ZNF202: variants seen among roughly 807,000 people sequenced by gnomAD.
ZNF202 encodes the protein zinc finger protein with KRAB and SCAN domains 10.
In ZNF202, 22 loss-of-function variants were observed where a neutral mutation model predicts 54.5. The ratio of observed to expected loss-of-function variants is 0.40; its 90% CI spans 0.29 to 0.58. ZNF202 has a LOEUF of 0.58. Ranked by LOEUF, ZNF202 falls within the 20% of genes least tolerant of loss-of-function variation. The probability of loss-of-function intolerance (pLI) is 0.39; values close to 1 mark genes in which losing one functional copy is unlikely to be tolerated. For synonymous variants in ZNF202, 294 were observed against 301.4 expected, an observed-to-expected ratio of 0.98 and a Z score of 0.26; for missense variants, 644 against 805.5, an observed-to-expected ratio of 0.80 and a Z score of 2.43.
intron 3 of ZNF202, among the ~76,000 whole-genome samples, chr11:123,739,194 T>C (rs1861757756): frequency 6.6e-6 from 1 of 152,194 alleles, no homozygotes; most frequent in Non-Finnish European, 1.5e-5. Context: ...TAATAAACCA[T>C]TCACAGGGAT....
chr11:123,732,177 A>G (rs1144502), intron 3 of ZNF202, among the ~76,000 whole-genome samples: 107,256 of 152,068 alleles, frequency 0.71, 38,144 homozygotes, highest in Middle Eastern at 0.82. Flanking sequence ...GATGACTGCA[A>G]CTGCCTCCAA....
At chr11:123,739,698 G>C (rs1466957314) in intron 3 of ZNF202, among the ~76,000 whole-genome samples, 1 of 152,186 alleles carries the variant, frequency 6.6e-6, no homozygotes, top group Non-Finnish European at 1.5e-5. Context: ...CAGATTACTA[G>C]TTTCCAACAC....
intron 3 of ZNF202, among the ~76,000 whole-genome samples, chr11:123,731,476 GTTTA>G (rs1372996305): frequency 6.6e-6 from 1 of 152,198 alleles, no homozygotes; most frequent in Non-Finnish European, 1.5e-5. Flanking sequence ...GTAACTGTAT[GTTTA>G]GAGATGCTAC....
chr11:123,727,725 C>A, intron 7 of ZNF202, 130 bp from the exon 8 acceptor site: 1 of 1,282,534 alleles, frequency 7.8e-7, no homozygotes, highest in South Asian at 1.5e-5. Context: ...TCTTTCATCT[C>A]TTTAGTTTGT....
At chr11:123,728,418 C>G (rs376792980) in intron 6 of ZNF202, among the ~76,000 whole-genome samples, 156 bp from the exon 7 acceptor site, 160 of 151,588 alleles carry the variant, frequency 1.1e-3, no homozygotes, top group African/African-American at 3.4e-3. Flanking sequence ...GCCATGTGTC[C>G]CCTGTGGCAC....
chr11:123,732,468 G>A (rs2137344508), intron 3 of ZNF202, among the ~76,000 whole-genome samples: 1 of 152,314 alleles, frequency 6.6e-6, no homozygotes, highest in African/African-American at 2.4e-5. Context: ...TTTTGAATAT[G>A]CTGTTTCTTC....
chr11:123,730,996 A>G lies in ZNF202; in HGVS notation c.-97-11T>C. The G allele has an allele frequency of 2.3e-6, 3 of 1,319,632 alleles. No individual in the cohort carries two copies. Among genetic ancestry groups the G allele is most frequent in the Non-Finnish European group, 3.1e-6 (3 of 967,440 alleles). 81.7% of individuals were successfully genotyped at this position (1,319,632 alleles called of 1,614,324 possible). ...TTTCTTCCAAGGGCCCTGGATAGAG[A>G]AGTAAAGACAAACAAGAGTATAAGC... On this transcript the variant is annotated splice_polypyrimidine_tract_variant and intron_variant, in intron 3 of 8. Transcript: ENST00000530393. This position sits in a 1 kb window ranked among gnomAD's most constrained non-coding sequence, Gnocchi z 6.0.
Position 123,727,610 on chromosome 11 carries a change from G to A in ZNF202, c.833-15C>T, listed in dbSNP as rs1269480452. 5 of 1,613,692 alleles carry A rather than the reference G, an allele frequency of 3.1e-6. No individual in the cohort carries two copies. Among genetic ancestry groups the A allele is most frequent in the African/African-American group, 2.7e-5 (2 of 74,884 alleles). The stretch of plus-strand genomic sequence containing the variant: ...GATTGGAAATGCTGCTCAAGAGAGG[G>A]AAAATAGGATATCACGATTGGCTCA... On this transcript the variant is annotated splice_polypyrimidine_tract_variant and intron_variant, in intron 7 of 8. Coordinates refer to ENST00000530393, the MANE Select transcript of ZNF202 (RefSeq NM_003455.4).
Position 123,725,886 on chromosome 11 carries a change from G to C in ZNF202, c.*111C>G. The C allele has an allele frequency of 7.7e-7, 1 of 1,301,396 alleles. No homozygotes were observed. The highest frequency in any genetic ancestry group is 1.0e-6 in the Non-Finnish European group (1 of 965,124). 80.6% of individuals were successfully genotyped at this position (1,301,396 alleles called of 1,614,324 possible). A position where few individuals can be genotyped will look rare whatever the true frequency, so the allele number is the denominator to read the frequency against. On this transcript the variant is annotated 3_prime_UTR_variant, in exon 9 of 9. Transcript: ENST00000530393. Reference sequence around the variant, plus strand: ...AAGAGGTAATGTCAGATCTGAGCAGGTCAGGGAGACTCCCTCGAAAAGGTC... The same window carrying C: ...AAGAGGTAATGTCAGATCTGAGCAGCTCAGGGAGACTCCCTCGAAAAGGTC...
chr11:123,729,482 A>G (rs2137327294), intron 5 of ZNF202, 133 bp downstream of exon 5: 3 of 1,160,650 alleles, frequency 2.6e-6, no homozygotes, highest in East Asian at 5.2e-5. Flanking sequence ...TCCTCTTGAC[A>G]TCCTGGATTC....
chr11:123,729,110 G>A lies in ZNF202; in HGVS notation c.702+16C>T. 1.9e-6 allele frequency: 3 copies of A among 1,612,986 alleles called. No individual in the cohort carries two copies. In the South Asian group the frequency reaches 3.3e-5, roughly 18 times the overall value. ...TCAAACAAATTCTCTGTGGTACAGAGGTAACTAGGGCACACCTGTGACAGA... is the reference window on the plus strand; with the variant it reads ...TCAAACAAATTCTCTGTGGTACAGAAGTAACTAGGGCACACCTGTGACAGA... On this transcript the variant is annotated intron_variant, in intron 6 of 8. Transcript: ENST00000530393.
chr11:123,727,630 G>A (rs1287868653), intron 7 of ZNF202, 35 bp from the exon 8 acceptor site: 49 of 1,612,732 alleles, frequency 3.0e-5, no homozygotes, highest in Non-Finnish European at 4.1e-5. Context: ...TATCACGATT[G>A]GCTCAACAAT....
chr11:123,739,073 G>A (rs1473012771), intron 3 of ZNF202, among the ~76,000 whole-genome samples: 4 of 152,204 alleles, frequency 2.6e-5, no homozygotes, highest in African/African-American at 7.2e-5. Context: ...AGTAGAAAAG[G>A]TATTCAATAA....
intron 3 of ZNF202, among the ~76,000 whole-genome samples, chr11:123,732,577 A>C (rs1458237739): frequency 2.6e-5 from 4 of 151,774 alleles, no homozygotes; most frequent in Non-Finnish European, 5.9e-5. Flanking sequence ...CATTTCCCCT[A>C]CTCTCAGACA....
rs755308348 is a variant in ZNF202 at position 123,729,721 on chromosome 11, C to G, written c.507G>C (p.Ser169=). 5.6e-6 allele frequency: 9 copies of G among 1,613,820 alleles called. No individual in the cohort carries two copies. Among genetic ancestry groups the G allele is most frequent in the South Asian group, 2.2e-5 (2 of 91,022 alleles). The change falls in exon 5 of 9, where the codon TCG becomes TCC. Residue 169 remains serine, a synonymous_variant. Coordinates refer to ENST00000530393, the MANE Select transcript of ZNF202 (RefSeq NM_003455.4). ...PNELQDPVQS[S]TPEQSPEETT... Reference sequence around the variant, plus strand: ...TTTCCTCAGGAGACTGCTCGGGGGTCGAGCTTTGCACAGGATCCTGCAGCT... The same window carrying G: ...TTTCCTCAGGAGACTGCTCGGGGGTGGAGCTTTGCACAGGATCCTGCAGCT...
chr11:123,729,352 G>A (rs1861299211), intron 5 of ZNF202, 138 bp from the exon 6 acceptor site: 3 of 905,692 alleles, frequency 3.3e-6, no homozygotes, highest in Non-Finnish European at 5.1e-6. Flanking sequence ...CTGGCCTAAG[G>A]GTAGCTCCCA....
rs953699927 is a variant in ZNF202 at position 123,741,639 on chromosome 11, G to C, written c.-384C>G. 1.3e-5 allele frequency: 2 copies of C among 152,694 alleles called. No homozygotes were observed. Among genetic ancestry groups the C allele is most frequent in the African/African-American group, 2.4e-5 (1 of 41,460 alleles). 9.5% of individuals were successfully genotyped at this position (152,694 alleles called of 1,614,324 possible). On this transcript the variant is annotated 5_prime_UTR_variant, in exon 1 of 9. Transcript: ENST00000530393. Reference sequence around the variant, plus strand: ...CAGCGCCGCCGGATCCGAGCCGCGCGGGGCCTAGCGGGTCGGAACACGTGG... The same window carrying C: ...CAGCGCCGCCGGATCCGAGCCGCGCCGGGCCTAGCGGGTCGGAACACGTGG...
At position 123,726,750 on chromosome 11, in the gene ZNF202, G is replaced by T; in HGVS notation, c.1194C>A (p.Asp398Glu). 3 of 1,614,228 alleles carry T rather than the reference G, an allele frequency of 1.9e-6. No individual in the cohort carries two copies. Among genetic ancestry groups the T allele is most frequent in the Non-Finnish European group, 2.5e-6 (3 of 1,180,052 alleles). Residue 398 changes from aspartate (D) to glutamate (E), a missense_variant, in exon 9 of 9, where the codon GAC becomes GAA. This residue lies in a region of ZNF202 where 536 missense variants were observed against 635.3 expected (regional missense o/e 0.84). Transcript: ENST00000530393. This position sits in a 1 kb window ranked among gnomAD's most constrained non-coding sequence, Gnocchi z 6.0. ...PVHPLLGRHH[D>E]CSVCGKSFTC... The stretch of plus-strand genomic sequence containing the variant: ...TGAAGCTCTTTCCACACACAGAACA[G>T]TCATGATGCCTCCCTAACAGGGGGT...
chr11:123,728,381 G>A (rs899245222), intron 6 of ZNF202, 119 bp from the exon 7 acceptor site: 8 of 1,305,872 alleles, frequency 6.1e-6, no homozygotes, highest in Non-Finnish European at 8.0e-6. Context: ...CTTGAGTGGC[G>A]GGCTGCTTAA....
Sources: allele counts gnomAD v4.1 joint callset (sites outside exome capture counted in the v4.1 genomes callset), GRCh38; gene constraint gnomAD v4.1.1; regional missense constraint gnomAD v4.1.1; non-coding constraint Gnocchi (gnomAD v3.1); transcripts MANE v1.5; gene names NCBI Gene and HGNC (gene_info 2026-07-23, HGNC 2026-07-21).